Variants in SLC9A9 observed in about 807,000 individuals in gnomAD.
SLC9A9 encodes solute carrier family 9 member A9, also known as sodium/hydrogen exchanger 9.
In SLC9A9, 62 loss-of-function variants were observed where a neutral mutation model predicts 77.8. The ratio of observed to expected loss-of-function variants is 0.80; its 90% CI spans 0.65 to 0.98. SLC9A9 has a LOEUF of 0.98. SLC9A9 is among the 50% of genes least tolerant of loss of function. The pLI, the probability that SLC9A9 is intolerant of heterozygous loss-of-function variation, is 0.00. For synonymous variants in SLC9A9, 320 were observed against 283.5 expected (o/e 1.13, Z -1.29); for missense variants, 775 against 774.9 (o/e 1.00, Z 0.00).
At chr3:143,342,737 C>T (rs1187871851) in intron 14 of SLC9A9, among the ~76,000 whole-genome samples, 1 of 152,208 alleles carries the variant, frequency 6.6e-6, no homozygotes, top group African/African-American at 2.4e-5. Context: ...ACTGAGAAAA[C>T]TGAAAATGAC....
intron 6 of SLC9A9, among the ~76,000 whole-genome samples, chr3:143,628,775 A>G (rs539576610): frequency 1.8e-4 from 28 of 152,320 alleles, no homozygotes; most frequent in Admixed American, 7.8e-4. Context: ...ATAAAATTAG[A>G]AGACATTTTG....
chr3:143,579,465 C>A (rs1187400255), intron 6 of SLC9A9, among the ~76,000 whole-genome samples: 5 of 152,026 alleles, frequency 3.3e-5, no homozygotes, highest in African/African-American at 1.2e-4. Context: ...TTTTTTAAAA[C>A]CAGGGCCTCA....
chr3:143,532,914 T>C (rs1158233942), intron 9 of SLC9A9, among the ~76,000 whole-genome samples: 5 of 152,194 alleles, frequency 3.3e-5, no homozygotes, highest in African/African-American at 9.7e-5. Flanking sequence ...AATTATTCTT[T>C]AGGTCTCAGC....
intron 9 of SLC9A9, among the ~76,000 whole-genome samples, chr3:143,502,295 A>G (rs1297598906): frequency 7.0e-6 from 1 of 143,598 alleles, no homozygotes; most frequent in Non-Finnish European, 1.5e-5. Flanking sequence ...AATAGTGCAA[A>G]CAAGACTGGG....
At chr3:143,516,925 C>G (rs1318867586) in intron 9 of SLC9A9, among the ~76,000 whole-genome samples, 2 of 152,100 alleles carry the variant, frequency 1.3e-5, no homozygotes, top group Non-Finnish European at 2.9e-5. Flanking sequence ...AATTCCTAAT[C>G]TGAGCAACTT....
In SLC9A9 at chr3:143,848,080, C is replaced by G. The variant is rs958217879; in HGVS notation, c.175+68G>C. Reference sequence around the variant, plus strand: ...TTCTCCAGTTTCGGTACTTTGCTATCTGAGCACAAGTCTCTAATTACGCTC... The same window carrying G: ...TTCTCCAGTTTCGGTACTTTGCTATGTGAGCACAAGTCTCTAATTACGCTC... On this transcript the variant is annotated intron_variant, in intron 1 of 15. Transcript: ENST00000316549. The G allele has an allele frequency of 2.8e-6, 4 of 1,427,442 alleles. No homozygotes were observed. In the African/African-American group the frequency reaches 5.6e-5, roughly 20 times the overall value. The allele number at this position is 1,427,442 out of a possible 1,614,324, so 88.4% of individuals were successfully genotyped here. A position where few individuals can be genotyped will look rare whatever the true frequency, so the allele number is the denominator to read the frequency against.
At chr3:143,318,366 T>C (rs1261773847) in intron 14 of SLC9A9, among the ~76,000 whole-genome samples, 1 of 152,226 alleles carries the variant, frequency 6.6e-6, no homozygotes, top group African/African-American at 2.4e-5. Context: ...TTTTGTGTTA[T>C]TTCTTTGAAG....
intron 9 of SLC9A9, among the ~76,000 whole-genome samples, chr3:143,506,922 A>G (rs1284643827): frequency 6.6e-6 from 1 of 152,138 alleles, no homozygotes; most frequent in Non-Finnish European, 1.5e-5. Flanking sequence ...AAAATCCCTT[A>G]ATGAATAAGC....
chr3:143,664,169 C>G (rs142714003), intron 5 of SLC9A9, among the ~76,000 whole-genome samples: 82 of 152,244 alleles, frequency 5.4e-4, no homozygotes, highest in African/African-American at 1.9e-3. Context: ...GAGTGGGGGC[C>G]AATATTCAAC....
At chr3:143,622,342 A>G (rs2038232288) in intron 6 of SLC9A9, among the ~76,000 whole-genome samples, 2 of 152,338 alleles carry the variant, frequency 1.3e-5, no homozygotes, top group Admixed American at 6.5e-5. Context: ...AATGAAGGAA[A>G]AAATGTTAAG....
chr3:143,815,721 C>T (rs1194798697), intron 2 of SLC9A9, among the ~76,000 whole-genome samples: 2 of 151,786 alleles, frequency 1.3e-5, no homozygotes, highest in African/African-American at 4.8e-5. Flanking sequence ...AAAAAATTAG[C>T]TGGGCATGGT....
chr3:143,741,482 CT>C (rs1935071253), intron 4 of SLC9A9, among the ~76,000 whole-genome samples: 1 of 152,146 alleles, frequency 6.6e-6, no homozygotes. Context: ...AGAGACAAAT[CT>C]CTTTATGCAG....
At chr3:143,836,664 C>T (rs2009576740) in intron 1 of SLC9A9, among the ~76,000 whole-genome samples, 1 of 152,116 alleles carries the variant, frequency 6.6e-6, no homozygotes, top group African/African-American at 2.4e-5. Context: ...AACCAAGGAA[C>T]ATTAGAAAGA....
intron 2 of SLC9A9, among the ~76,000 whole-genome samples, chr3:143,820,042 T>C (rs955743680): frequency 5.3e-5 from 8 of 152,250 alleles, no homozygotes; most frequent in African/African-American, 1.4e-4. Context: ...ACACTTAATA[T>C]ACTTTGAGCA....
At chr3:143,581,180 T>A (rs2037445738) in intron 6 of SLC9A9, among the ~76,000 whole-genome samples, 1 of 151,926 alleles carries the variant, frequency 6.6e-6, no homozygotes, top group African/African-American at 2.4e-5. Context: ...CAGACAGAGA[T>A]GGGGAGAGAG....
intron 11 of SLC9A9, among the ~76,000 whole-genome samples, chr3:143,490,761 G>A (rs2035729773): frequency 6.6e-6 from 1 of 152,128 alleles, no homozygotes; most frequent in African/African-American, 2.4e-5. Context: ...TCAAAACAGT[G>A]CCAATGAAAG....
chr3:143,418,893 G>T (rs561661542), intron 12 of SLC9A9, among the ~76,000 whole-genome samples: 1 of 152,134 alleles, frequency 6.6e-6, no homozygotes, highest in African/African-American at 2.4e-5. Context: ...AGGGATGTGT[G>T]CCCACTGTGT....
intron 4 of SLC9A9, among the ~76,000 whole-genome samples, chr3:143,750,733 C>CTATA (rs35370580): frequency 6.8e-6 from 1 of 146,516 alleles, no homozygotes; most frequent in Admixed American, 6.8e-5. Flanking sequence ...AAATATATAT[C>CTATA]TATATATATA....
At chr3:143,286,723 C>G (rs1162252499) in intron 14 of SLC9A9, among the ~76,000 whole-genome samples, 1 of 152,196 alleles carries the variant, frequency 6.6e-6, no homozygotes, top group Non-Finnish European at 1.5e-5. Context: ...GGAAAGCAAT[C>G]ACACCAGATT....
Sources: gnomAD v4.1 joint callset for allele counts (sites outside exome capture counted in the v4.1 genomes callset) on GRCh38, gnomAD v4.1.1 for gene constraint, MANE v1.5 for transcripts, NCBI Gene and HGNC (gene_info 2026-07-23, HGNC 2026-07-21) for gene names.